Variants in SPECC1 observed in about 807,000 individuals in gnomAD.
SPECC1 encodes the protein cytospin-B.
Under a neutral mutation model 104.1 loss-of-function variants are expected in SPECC1, and 62 were observed. The observed-to-expected ratio is 0.60, with a 90% CI of 0.49 to 0.74. The LOEUF (loss-of-function observed/expected upper bound fraction) is 0.74. Among genes scored for constraint, SPECC1 ranks in the 30% least tolerant of loss-of-function variants. The probability of loss-of-function intolerance (pLI) is 0.00; values close to 1 mark genes in which losing one functional copy is unlikely to be tolerated. For missense variants in SPECC1, 1,306 were observed against 1,310.5 expected (o/e 1.00, Z 0.05); for synonymous variants, 513 against 501.6 (o/e 1.02, Z -0.30).
chr17:20,051,137 TTTCCTTCTTTCC>T (rs2045758166), intron 1 of SPECC1, among the ~76,000 whole-genome samples: 12 of 118,648 alleles, frequency 1.0e-4, no homozygotes, highest in African/African-American at 4.1e-4. Flanking sequence ...TCTTTCTTTC[TTTCCTTCTTTCC>T]TTCTTTCCTT....
At chr17:20,195,863 G>A (rs1313523773) in intron 3 of SPECC1, among the ~76,000 whole-genome samples, 1 of 152,100 alleles carries the variant, frequency 6.6e-6, no homozygotes, top group Non-Finnish European at 1.5e-5. Context: ...ACAAGTTTTT[G>A]TTAAAGAGCA....
Position 20,096,745 on chromosome 17 carries a change from A to C in SPECC1, c.94A>C (p.Met32Leu). The C allele has an allele frequency of 6.2e-7, 1 of 1,614,220 alleles. No individual in the cohort carries two copies. Among genetic ancestry groups the C allele is most frequent in the African/African-American group, 1.3e-5 (1 of 75,048 alleles). ...VRPLPAASSG[M>L]KSSKSSTSLA... ...GCCTCTGCCTGCAGCCTCTTCCGGC[A>C]TGAAGAGTTCTAAGTCTTCAACTTC... The change falls in exon 2 of 15, where the codon ATG becomes CTG. Residue 32 changes from methionine (M) to leucine (L), a missense_variant. Coordinates refer to ENST00000395527, the MANE Select transcript of SPECC1 (RefSeq NM_001243439.2).
At chr17:20,244,038 G>A (rs963275373) in intron 7 of SPECC1, among the ~76,000 whole-genome samples, 1 of 151,704 alleles carries the variant, frequency 6.6e-6, no homozygotes, top group Non-Finnish European at 1.5e-5. Context: ...GCAACATGGC[G>A]AAACCCCATC....
At chr17:20,119,891 C>A (rs2048944059) in intron 3 of SPECC1, among the ~76,000 whole-genome samples, 2 of 152,166 alleles carry the variant, frequency 1.3e-5, no homozygotes, top group Admixed American at 1.3e-4. Context: ...GCTTCAAAAT[C>A]TGAAATGTTT....
At chr17:20,296,204 G>A (rs1452569920) in intron 12 of SPECC1, among the ~76,000 whole-genome samples, 4 of 152,188 alleles carry the variant, frequency 2.6e-5, no homozygotes, top group African/African-American at 7.2e-5. Context: ...TGTCTAAGGT[G>A]TAAGGAAGGG....
intron 1 of SPECC1, among the ~76,000 whole-genome samples, chr17:20,025,137 A>G (rs901910041): frequency 1.3e-5 from 2 of 152,138 alleles, no homozygotes; most frequent in African/African-American, 4.8e-5. Flanking sequence ...CAAAATTTGG[A>G]CATGGGCACA....
At chr17:20,188,813 T>C (rs2035460575) in intron 3 of SPECC1, among the ~76,000 whole-genome samples, 1 of 152,182 alleles carries the variant, frequency 6.6e-6, no homozygotes, top group Non-Finnish European at 1.5e-5. Flanking sequence ...TCCTTAAATT[T>C]CTTTGTGTGT....
intron 3 of SPECC1, among the ~76,000 whole-genome samples, chr17:20,111,499 A>G (rs1440285908): frequency 6.6e-6 from 1 of 152,222 alleles, no homozygotes; most frequent in East Asian, 1.9e-4. Context: ...ACATACACAC[A>G]CACTTGGTTT....
intron 3 of SPECC1, among the ~76,000 whole-genome samples, chr17:20,144,242 TG>T (rs1470239090): frequency 1.4e-5 from 2 of 140,396 alleles, no homozygotes; most frequent in Non-Finnish European, 3.0e-5. Flanking sequence ...TGGAGTGCAG[TG>T]GTGCGATCAC....
intron 3 of SPECC1, among the ~76,000 whole-genome samples, chr17:20,201,320 GA>G (rs1183347001): frequency 4.0e-5 from 6 of 151,198 alleles, no homozygotes; most frequent in African/African-American, 1.2e-4. Context: ...ACAAAAAAAC[GA>G]AATACAGTAA....
intron 3 of SPECC1, among the ~76,000 whole-genome samples, chr17:20,196,292 GA>G (rs1431573975): frequency 6.6e-6 from 1 of 152,160 alleles, no homozygotes; most frequent in African/African-American, 2.4e-5. Context: ...TATTTTTGGT[GA>G]AAACCCTGGT....
Position 20,202,074 on chromosome 17 carries a change from T to C in SPECC1, c.284-2259T>C, listed in dbSNP as rs1329323849. 2.6e-5 allele frequency among the ~76,000 whole-genome samples: 4 copies of C among 152,244 alleles called. No individual in the cohort carries two copies. The South Asian group carries it at 6.2e-4, about 24-fold the overall frequency. ...AAAAGTTAAAATTTGTCTAAACTTA[T>C]GCACACACAGACTGTACATGGTGCT... is the stretch of plus-strand genomic sequence containing the variant. On this transcript the variant is annotated intron_variant, in intron 3 of 14. Transcript: ENST00000395527.
At chr17:20,053,652 G>A (rs193284939) in intron 1 of SPECC1, among the ~76,000 whole-genome samples, 22 of 152,310 alleles carry the variant, frequency 1.4e-4, no homozygotes, top group African/African-American at 5.3e-4. Flanking sequence ...GGCTCACTTG[G>A]CAATGAATTG....
chr17:20,026,576 T>A (rs2044608222), intron 1 of SPECC1, among the ~76,000 whole-genome samples: 2 of 151,996 alleles, frequency 1.3e-5, no homozygotes, highest in African/African-American at 4.8e-5. Flanking sequence ...AAATATAATG[T>A]CCTCCAGGTT....
chr17:20,175,334 G>C (rs2034399824), intron 3 of SPECC1, among the ~76,000 whole-genome samples: 1 of 152,094 alleles, frequency 6.6e-6, no homozygotes, highest in African/African-American at 2.4e-5. Flanking sequence ...ATTAATTTTT[G>C]CCTAGAAATT....
At chr17:20,030,356 T>A (rs1420447285) in intron 1 of SPECC1, among the ~76,000 whole-genome samples, 1 of 152,056 alleles carries the variant, frequency 6.6e-6, no homozygotes, top group African/African-American at 2.4e-5. Flanking sequence ...GTGGTATTTT[T>A]GTATTATGTC....
chr17:20,143,175 G>A (rs995917954), intron 3 of SPECC1, among the ~76,000 whole-genome samples: 7 of 140,104 alleles, frequency 5.0e-5, no homozygotes, highest in Non-Finnish European at 7.7e-5. Flanking sequence ...TTCTTTATAG[G>A]AAAAAAAAAA....
In SPECC1 at chr17:20,040,614, C is replaced by G. The variant is rs535899766; in HGVS notation, c.-22+31190C>G. Among the ~76,000 whole-genome samples the G allele has an allele frequency of 3.3e-5, 5 of 152,320 alleles. 1 individual carries two copies. The South Asian group carries it at 1.0e-3, about 32-fold the overall frequency. ...CTGAATCTAGAATTTTGTGTTGACA[C>G]TTCTTTTCTTTCAGCACTTGAAAAC... On this transcript the variant is annotated intron_variant, in intron 1 of 14. Coordinates refer to ENST00000395527, the MANE Select transcript of SPECC1 (RefSeq NM_001243439.2).
chr17:20,311,101 G>GT lies in SPECC1; in HGVS notation c.3118-2856dup, dbSNP rs58086529. On this transcript the variant is annotated intron_variant, in intron 14 of 14. Coordinates refer to ENST00000395527, the MANE Select transcript of SPECC1 (RefSeq NM_001243439.2). ...CTTGTTAGATTTAGACCTTAGTGGGGTTTTTTTTTTTTTTTTTTTGGTGCT... is the reference window on the plus strand; with the variant it reads ...CTTGTTAGATTTAGACCTTAGTGGGGTTTTTTTTTTTTTTTTTTTTGGTGCT... 7.2e-3 allele frequency among the ~76,000 whole-genome samples: 678 copies of GT among 94,140 alleles called. 6 individuals carry two copies. The highest frequency in any genetic ancestry group is 0.012 in the Admixed American group (102 of 8,654). 61.8% of individuals were successfully genotyped at this position (94,140 alleles called of 152,430 possible). A position where few individuals can be genotyped will look rare whatever the true frequency, so the allele number is the denominator to read the frequency against.
Sources: allele counts gnomAD v4.1 joint callset (sites outside exome capture counted in the v4.1 genomes callset), GRCh38; gene constraint gnomAD v4.1.1; transcripts MANE v1.5; gene names NCBI Gene and HGNC (gene_info 2026-07-23, HGNC 2026-07-21).